Variants in TRAK1 observed in about 807,000 individuals in gnomAD.
TRAK1 encodes the protein trafficking kinesin-binding protein 1.
TRAK1 carries 33 observed loss-of-function variants against 92.1 expected under a neutral mutation model. The ratio of observed to expected loss-of-function variants is 0.36; its 90% CI spans 0.27 to 0.48. The LOEUF (loss-of-function observed/expected upper bound fraction) is 0.48, where lower values mean the gene tolerates loss of function less well. Among genes scored for constraint, TRAK1 ranks in the 20% least tolerant of loss-of-function variants. The probability of loss-of-function intolerance (pLI) is 0.99; values close to 1 mark genes in which losing one functional copy is unlikely to be tolerated. For missense variants in TRAK1, 1,123 were observed against 1,257.9 expected, an observed-to-expected ratio of 0.89 and a Z score of 1.62; for synonymous variants, 521 against 517.3, an observed-to-expected ratio of 1.01 and a Z score of -0.10.
Position 42,184,767 on chromosome 3 carries a change from T to C in TRAK1, c.446T>C (p.Leu149Pro). ...AAGACCCTAACCGAGAGGAACGAGCTGCTGGAGGAGCAGGTGGAACACATC... is the reference window on the plus strand; with the variant it reads ...AAGACCCTAACCGAGAGGAACGAGCCGCTGGAGGAGCAGGTGGAACACATC... Reference protein sequence around the residue: ...KNKTLTERNELLEEQVEHIRE... With the variant: ...KNKTLTERNEPLEEQVEHIRE... The change falls in exon 4 of 16, where the codon CTG becomes CCG. Residue 149 changes from leucine to proline, a missense_variant. Leu to Pro is a moderately conservative substitution (Grantham distance 98). This residue lies in a region of TRAK1 where 686 missense variants were observed against 747.6 expected (regional missense o/e 0.92). Transcript: ENST00000327628. 6.2e-7 allele frequency: 1 copy of C among 1,613,938 alleles called. No individual in the cohort carries two copies. Among genetic ancestry groups the C allele is most frequent in the Non-Finnish European group, 8.5e-7 (1 of 1,179,974 alleles).
chr3:42,151,390 G>T (rs555712230), intron 2 of TRAK1: 17 of 456,408 alleles, frequency 3.7e-5, no homozygotes, highest in Admixed American at 2.6e-4. Flanking sequence ...CTTCCTCTAA[G>T]AGCAAAGGAA....
chr3:42,099,059 G>A (rs1706357446), intron 1 of TRAK1, among the ~76,000 whole-genome samples: 1 of 151,958 alleles, frequency 6.6e-6, no homozygotes, highest in Non-Finnish European at 1.5e-5. Flanking sequence ...GTCAGGGAGG[G>A]GGTATCTAAA....
In TRAK1 at chr3:42,091,426, GCT is replaced by G. The variant is rs1576292901; in HGVS notation, c.-37_-36del. 1 of 1,581,134 alleles carries G rather than the reference GCT, an allele frequency of 6.3e-7. No individual in the cohort carries two copies. The highest frequency in any genetic ancestry group is 8.7e-7 in the Non-Finnish European group (1 of 1,153,682). ...CTGCCGGGGCTGAGCTCTCATGGAG[GCT>G]CTCTCTGTTCTCTGAAGTGCCTTTG... On this transcript the variant is annotated 5_prime_UTR_variant, in exon 1 of 16. It removes the in-frame stop codon of an upstream open reading frame in the 5' UTR. Coordinates refer to ENST00000327628, the MANE Select transcript of TRAK1 (RefSeq NM_001042646.3).
chr3:42,219,786 GTTTTTTTTTTT>G lies in TRAK1; in HGVS notation c.2066+207_2066+217del, dbSNP rs397989334. Among the ~76,000 whole-genome samples, 22 of 63,528 alleles carry G rather than the reference GTTTTTTTTTTT, an allele frequency of 3.5e-4. No homozygotes were observed. The East Asian group carries it at 0.014, about 39-fold the overall frequency. 41.7% of individuals were successfully genotyped at this position (63,528 alleles called of 152,430 possible). A position where few individuals can be genotyped will look rare whatever the true frequency, so the allele number is the denominator to read the frequency against. ...ATCCTTCCTTTTGTTGTTGTTATGT[GTTTTTTTTTTT>G]TTTTTTTTTTTTTTTTGAGGCAGAG... On this transcript the variant is annotated intron_variant, in intron 15 of 15. Transcript: ENST00000327628.
chr3:42,078,804 A>AG, intron 1 of TRAK1, among the ~76,000 whole-genome samples: 1 of 151,822 alleles, frequency 6.6e-6, no homozygotes, highest in Non-Finnish European at 1.5e-5. Context: ...ATGAGGCAGA[A>AG]GGGGAAGTCA....
At chr3:42,203,289 C>T in intron 13 of TRAK1, 2 of 998,414 alleles carry the variant, frequency 2.0e-6, no homozygotes, top group African/African-American at 1.7e-5. Context: ...TGGCTTTTGG[C>T]AGATGCAGTA....
intron 2 of TRAK1, among the ~76,000 whole-genome samples, chr3:42,158,739 T>G (rs866355522): frequency 7.0e-6 from 1 of 143,698 alleles, no homozygotes; most frequent in African/African-American, 2.6e-5. Flanking sequence ...GTCAGGAGAT[T>G]GAGACCATCC....
rs116416700 is a variant in TRAK1, at chr3:42,116,387, G to A, written c.92-9033G>A. Among the ~76,000 whole-genome samples, 579 of 152,366 alleles carry A rather than the reference G, an allele frequency of 3.8e-3. 3 individuals carry two copies. Among genetic ancestry groups the A allele is most frequent in the African/African-American group, 0.013 (546 of 41,590 alleles). ...AAGTAATTACTAAGACTGAATCTCT[G>A]AAGATGTTCAGCTAAAGCTGTAAAC... On this transcript the variant is annotated intron_variant, in intron 1 of 15. Transcript: ENST00000327628.
intron 1 of TRAK1, among the ~76,000 whole-genome samples, chr3:42,075,912 GACTC>G (rs1255974375): frequency 1.3e-5 from 2 of 152,000 alleles, no homozygotes; most frequent in Non-Finnish European, 2.9e-5. Context: ...GCACGATCTC[GACTC>G]ACTGCCACCT....
At chr3:42,134,147 C>T (rs1033358033) in intron 2 of TRAK1, among the ~76,000 whole-genome samples, 10 of 150,728 alleles carry the variant, frequency 6.6e-5, no homozygotes, top group African/African-American at 2.2e-4. Context: ...GTGGGCCTTT[C>T]CTTCCTTCCT....
At chr3:42,137,370 T>A (rs72869936) in intron 2 of TRAK1, among the ~76,000 whole-genome samples, 2,427 of 152,344 alleles carry the variant, frequency 0.016, 64 homozygotes, top group African/African-American at 0.055. Flanking sequence ...ATTTGGTTAT[T>A]TAAGAAGCCT....
intron 2 of TRAK1, among the ~76,000 whole-genome samples, chr3:42,143,231 A>T (rs1257235055): frequency 7.5e-6 from 1 of 132,740 alleles, no homozygotes; most frequent in Admixed American, 7.2e-5. Flanking sequence ...TTTGTTCTTT[A>T]AAAAAAAAAA....
rs59849194 is a variant in TRAK1 at position 42,080,728 on chromosome 3, C to T, written c.-518-6376C>T. On this transcript the variant is annotated intron_variant, in intron 1 of 16. Coordinates refer to the TRAK1 transcript ENST00000487159. The stretch of plus-strand genomic sequence containing the variant: ...ATTGTCACCTTTGCCCTACAAATTC[C>T]TGGGTGTCCCCAGAGGGCACATGCT... Among the ~76,000 whole-genome samples the T allele has an allele frequency of 5.9e-5, 9 of 152,320 alleles. No individual in the cohort carries two copies. In the East Asian group the frequency reaches 1.7e-3, roughly 29 times the overall value.
At chr3:42,189,533 CT>C (rs1308554848) in intron 6 of TRAK1, among the ~76,000 whole-genome samples, 1 of 152,082 alleles carries the variant, frequency 6.6e-6, no homozygotes, top group Non-Finnish European at 1.5e-5. Context: ...ATTTCTTTTT[CT>C]TTTTTTCTTT....
At chr3:42,079,645 A>G (rs527237650) in intron 1 of TRAK1, among the ~76,000 whole-genome samples, 1 of 151,574 alleles carries the variant, frequency 6.6e-6, no homozygotes, top group Non-Finnish European at 1.5e-5. Context: ...ATGCCTGGCA[A>G]TTTTTTTGTA....
At position 42,183,288 on chromosome 3, in the gene TRAK1, G is replaced by A. The variant is rs1009306187; in HGVS notation, c.364-1397G>A. Among the ~76,000 whole-genome samples the A allele has an allele frequency of 1.3e-5, 2 of 152,212 alleles. 1 individual carries two copies. The highest frequency in any genetic ancestry group is 4.2e-4 in the South Asian group (2 of 4,806). ...ATGAATCTGTTGGCCTGGCGCAGTGGTTCACACCTGTAATCCCAGCATTTT... is the reference window on the plus strand; with the variant it reads ...ATGAATCTGTTGGCCTGGCGCAGTGATTCACACCTGTAATCCCAGCATTTT... On this transcript the variant is annotated intron_variant, in intron 3 of 15. Coordinates refer to ENST00000327628, the MANE Select transcript of TRAK1 (RefSeq NM_001042646.3).
At chr3:42,080,763 T>G (rs1704392631) in intron 1 of TRAK1, among the ~76,000 whole-genome samples, 2 of 152,228 alleles carry the variant, frequency 1.3e-5, no homozygotes, top group Admixed American at 1.3e-4. Flanking sequence ...TGTGACTCAT[T>G]CTTCAAGCTA....
upstream of TRAK1, among the ~76,000 whole-genome samples, chr3:42,013,492 C>T (rs1256832689): frequency 6.6e-6 from 1 of 150,950 alleles, no homozygotes; most frequent in East Asian, 1.9e-4. This position sits in a 1 kb window ranked among gnomAD's most constrained non-coding sequence, Gnocchi z 5.1. Flanking sequence ...GAAGGCGGGG[C>T]GCGGCTCCAG....
chr3:42,173,100 T>G (rs1702770179), intron 2 of TRAK1, among the ~76,000 whole-genome samples: 1 of 152,070 alleles, frequency 6.6e-6, no homozygotes, highest in Non-Finnish European at 1.5e-5. Context: ...GAGCCAAGAT[T>G]GCGCCATGGT....
Sources: allele counts gnomAD v4.1 joint callset (sites outside exome capture counted in the v4.1 genomes callset), GRCh38; gene constraint gnomAD v4.1.1; regional missense constraint gnomAD v4.1.1; non-coding constraint Gnocchi (gnomAD v3.1); transcripts MANE v1.5; gene names NCBI Gene and HGNC (gene_info 2026-07-23, HGNC 2026-07-21).